Variants in MAOB observed in about 807,000 individuals in gnomAD.
MAOB encodes amine oxidase [flavin-containing] B.
In MAOB, 15 loss-of-function variants were observed where a neutral mutation model predicts 41.9. That is an observed-to-expected ratio of 0.36 (90% CI 0.24 to 0.55). The LOEUF (loss-of-function observed/expected upper bound fraction) is 0.55. MAOB is among the 20% of genes least tolerant of loss of function. The pLI, the probability that MAOB is intolerant of heterozygous loss-of-function variation, is 0.86. For synonymous variants in MAOB, 167 were observed against 144.2 expected (o/e 1.16, Z -1.13); for missense variants, 345 against 398.7 (o/e 0.87, Z 1.15).
At chrX:43,817,621 C>G (rs2034832478) in intron 3 of MAOB, among the ~76,000 whole-genome samples, 1 of 111,862 alleles carries the variant, frequency 8.9e-6, no homozygotes, top group South Asian at 3.7e-4. Context: ...TACACAAACT[C>G]CAAAGTCCTT....
intron 1 of MAOB, among the ~76,000 whole-genome samples, chrX:43,876,987 A>C (rs1160185338): frequency 8.9e-6 from 1 of 112,478 alleles, no homozygotes; most frequent in Non-Finnish European, 1.9e-5. Context: ...GATGAACAAT[A>C]ATCATCAATA....
intron 2 of MAOB, among the ~76,000 whole-genome samples, chrX:43,843,211 A>C (rs182819046): frequency 1.8e-5 from 2 of 111,578 alleles, no homozygotes; most frequent in African/African-American, 6.5e-5. Flanking sequence ...AAATTTAAAA[A>C]ATAAATTTAA....
intron 7 of MAOB, 32 bp downstream of exon 7, chrX:43,795,707 A>T: frequency 8.0e-6 from 9 of 1,123,698 alleles, no homozygotes; most frequent in Non-Finnish European, 1.1e-5. Flanking sequence ...TGGGATGAAG[A>T]TCAAATATAT....
chrX:43,791,525 A>T (rs1236887576), intron 8 of MAOB, among the ~76,000 whole-genome samples: 1 of 111,955 alleles, frequency 8.9e-6, no homozygotes, highest in Non-Finnish European at 1.9e-5. Flanking sequence ...TGGGAGGCCG[A>T]GGCAGGTGGA....
At chrX:43,804,669 G>A (rs892795715) in intron 3 of MAOB, among the ~76,000 whole-genome samples, 11 of 111,569 alleles carry the variant, frequency 9.9e-5, no homozygotes, top group African/African-American at 2.9e-4. Context: ...GGTAGGTCAC[G>A]GACCCAAGGA....
intron 3 of MAOB, among the ~76,000 whole-genome samples, chrX:43,811,627 G>A (rs1187036195): frequency 8.9e-6 from 1 of 111,906 alleles, no homozygotes; most frequent in Non-Finnish European, 1.9e-5. Context: ...TTGGGCAAAT[G>A]GTTGTCTTCT....
intron 3 of MAOB, among the ~76,000 whole-genome samples, chrX:43,828,807 C>T (rs1291957097): frequency 8.9e-6 from 1 of 111,759 alleles, no homozygotes; most frequent in African/African-American, 3.3e-5. Flanking sequence ...TGTGTAAATG[C>T]CTTGTACTTA....
intron 1 of MAOB, among the ~76,000 whole-genome samples, chrX:43,846,642 C>T (rs2035206078): frequency 9.0e-6 from 1 of 111,139 alleles, no homozygotes; most frequent in Non-Finnish European, 1.9e-5. Context: ...ACATAGGAAA[C>T]TGAGTTGGAG....
At chrX:43,817,183 C>T (rs1289555896) in intron 3 of MAOB, among the ~76,000 whole-genome samples, 1 of 107,682 alleles carries the variant, frequency 9.3e-6, no homozygotes, top group East Asian at 2.9e-4. Flanking sequence ...TAACTACTGA[C>T]CAAAACGATT....
At chrX:43,772,969 T>C (rs917278810) in intron 12 of MAOB, among the ~76,000 whole-genome samples, 1 of 112,218 alleles carries the variant, frequency 8.9e-6, no homozygotes, top group African/African-American at 3.2e-5. Flanking sequence ...CATGCTTGTA[T>C]AGCCTGCAGA....
At chrX:43,840,972 G>A (rs1160006599) in intron 2 of MAOB, among the ~76,000 whole-genome samples, 1 of 108,189 alleles carries the variant, frequency 9.2e-6, no homozygotes, top group Admixed American at 9.9e-5. Flanking sequence ...CTGGAAAGGG[G>A]GCTGAAGCCA....
intron 2 of MAOB, among the ~76,000 whole-genome samples, chrX:43,841,959 C>T (rs763554991): frequency 1.8e-4 from 20 of 111,426 alleles, no homozygotes; most frequent in Middle Eastern, 4.6e-3. Flanking sequence ...AGACCTGAAA[C>T]GGCAAAATTA....
intron 3 of MAOB, among the ~76,000 whole-genome samples, chrX:43,833,902 G>A (rs2035044648): frequency 8.9e-6 from 1 of 112,017 alleles, no homozygotes; most frequent in African/African-American, 3.2e-5. Context: ...ATTATTACAT[G>A]CCAAAGATCT....
In MAOB at chrX:43,797,168, C is replaced by A; in HGVS notation, c.575G>T (p.Cys192Phe). 1 of 1,208,314 alleles carries A rather than the reference C, an allele frequency of 8.3e-7. No individual in the cohort carries two copies. ...ALWFLWYVKQ[C>F]GGTTRIISTT... ...CGAGATGATTCTTGTTGTGCCTCCACACTGCTTCACATACCACAGGAACCA... is the reference window on the plus strand; with the variant it reads ...CGAGATGATTCTTGTTGTGCCTCCAAACTGCTTCACATACCACAGGAACCA... Residue 192 changes from cysteine to phenylalanine, a missense_variant, in exon 6 of 15, where the codon TGT (cysteine) becomes TTT (phenylalanine). Coordinates refer to ENST00000378069, the MANE Select transcript of MAOB (RefSeq NM_000898.5).
chrX:43,859,087 C>A (rs2035316028), intron 1 of MAOB, among the ~76,000 whole-genome samples: 2 of 111,154 alleles, frequency 1.8e-5, no homozygotes, highest in Non-Finnish European at 3.8e-5. Flanking sequence ...ACCTGGCATA[C>A]AAAAATTACC....
intron 3 of MAOB, among the ~76,000 whole-genome samples, chrX:43,809,719 C>T (rs1195369332): frequency 9.0e-6 from 1 of 111,727 alleles, no homozygotes; most frequent in Non-Finnish European, 1.9e-5. Flanking sequence ...TGAACATTGT[C>T]CAGGGAGGCT....
chrX:43,785,040 C>A (rs968091214), intron 8 of MAOB, among the ~76,000 whole-genome samples: 2 of 112,273 alleles, frequency 1.8e-5, no homozygotes, highest in Admixed American at 9.4e-5. Context: ...CCCAGCTACA[C>A]GGGAGGCTGA....
intron 1 of MAOB, among the ~76,000 whole-genome samples, chrX:43,857,084 AATATATATATATAT>A (rs1157628579): frequency 1.3e-4 from 3 of 22,719 alleles, no homozygotes; most frequent in African/African-American, 4.4e-4. Flanking sequence ...CTATTCTTTA[AATATATATATATAT>A]ATATATATAT....
At chrX:43,856,245 G>A (rs1047650683) in intron 1 of MAOB, among the ~76,000 whole-genome samples, 9 of 110,547 alleles carry the variant, frequency 8.1e-5, no homozygotes, top group African/African-American at 2.0e-4. Context: ...CACCATGACC[G>A]GCTAATTTTT....
Sources: gnomAD v4.1 joint callset for allele counts (sites outside exome capture counted in the v4.1 genomes callset) on GRCh38, gnomAD v4.1.1 for gene constraint, MANE v1.5 for transcripts, NCBI Gene and HGNC (gene_info 2026-07-23, HGNC 2026-07-21) for gene names.